Variants in ZFP14 observed in about 807,000 individuals in gnomAD.
ZFP14 encodes the protein zinc finger protein 14 homolog.
Under a neutral mutation model 54.5 loss-of-function variants are expected in ZFP14, and 22 were observed. The ratio of observed to expected loss-of-function variants is 0.40; its 90% CI spans 0.29 to 0.58. ZFP14 has a LOEUF of 0.58. Among genes scored for constraint, ZFP14 ranks in the 20% least tolerant of loss-of-function variants. The pLI is 0.39. For missense variants in ZFP14, 470 were observed against 637.8 expected, an observed-to-expected ratio of 0.74 and a Z score of 2.83; for synonymous variants, 159 against 204.0, an observed-to-expected ratio of 0.78 and a Z score of 1.88.
chr19:36,338,261 G>A lies in ZFP14; in HGVS notation c.*1963C>T, dbSNP rs988019639. 9.9e-5 allele frequency: 15 copies of A among 152,128 alleles called. No homozygotes were observed. The highest frequency in any genetic ancestry group is 3.6e-4 in the African/African-American group (15 of 41,426). 9.4% of individuals were successfully genotyped at this position (152,128 alleles called of 1,614,324 possible). On this transcript the variant is annotated 3_prime_UTR_variant, in exon 5 of 5. Transcript: ENST00000270001. ...CCACCTTGTCCTCCCAAAGTGCTGG[G>A]ATTACAGGTGTGACCCCTGTGCCAG...
Position 36,335,139 on chromosome 19 carries a change from G to T in ZFP14, c.*5085C>A, listed in dbSNP as rs2031168552. Reference sequence around the variant, plus strand: ...TCTGCTCGCCTTGGCCTCCCAAAATGTTGGGATTACAGGCGTGAGCCACCG... The same window carrying T: ...TCTGCTCGCCTTGGCCTCCCAAAATTTTGGGATTACAGGCGTGAGCCACCG... On this transcript the variant is annotated 3_prime_UTR_variant, in exon 5 of 5. Coordinates refer to ENST00000270001, the MANE Select transcript of ZFP14 (RefSeq NM_020917.3). 1 of 152,230 alleles carries T rather than the reference G, an allele frequency of 6.6e-6. No homozygotes were observed. The highest frequency in any genetic ancestry group is 2.4e-5 in the African/African-American group (1 of 41,464). 9.4% of individuals were successfully genotyped at this position (152,230 alleles called of 1,614,324 possible).
At position 36,355,622 on chromosome 19, in the gene ZFP14, G is replaced by A. The variant is rs139467846; in HGVS notation, c.235+4813C>T. On this transcript the variant is annotated intron_variant, in intron 4 of 4. Coordinates refer to ENST00000270001, the MANE Select transcript of ZFP14 (RefSeq NM_020917.3). ...TGCTTGGGCCCAGGAGTTCAAGACT[G>A]CAGTGAGCTGTGATGGCACCATTGC... 4.8e-3 allele frequency among the ~76,000 whole-genome samples: 672 copies of A among 139,790 alleles called. 124 individuals are homozygous for A. Among genetic ancestry groups the A allele is most frequent in the Admixed American group, 0.047 (631 of 13,392 alleles). 91.7% of individuals were successfully genotyped at this position (139,790 alleles called of 152,430 possible).
chr19:36,359,891 G>A (rs1281633608), intron 4 of ZFP14, among the ~76,000 whole-genome samples: 2 of 152,152 alleles, frequency 1.3e-5, no homozygotes, highest in East Asian at 1.9e-4. Context: ...CTGACCTCAA[G>A]TGACCAGCCT....
intron 4 of ZFP14, 98 bp downstream of exon 4, chr19:36,360,337 A>C: frequency 1.9e-6 from 2 of 1,052,478 alleles, no homozygotes; most frequent in Non-Finnish European, 2.7e-6. Context: ...GGCTTTTTGA[A>C]GAGAGACCCC....
chr19:36,350,137 C>CA lies in ZFP14; in HGVS notation c.236-8548dup, dbSNP rs74174404. On this transcript the variant is annotated intron_variant, in intron 4 of 4. Coordinates refer to ENST00000270001, the MANE Select transcript of ZFP14 (RefSeq NM_020917.3). ...CTCTGTCTCAAAAAAACAAAACAAA[C>CA]AAAAAAAAAAAACAGAAAAGAACAT... Among the ~76,000 whole-genome samples, 772 of 126,564 alleles carry CA rather than the reference C, an allele frequency of 6.1e-3. 80 individuals are homozygous for CA. Among genetic ancestry groups the CA allele is most frequent in the African/African-American group, 0.017 (581 of 33,310 alleles). 83.0% of individuals were successfully genotyped at this position (126,564 alleles called of 152,430 possible).
chr19:36,377,513 T>C (rs1477129401), intron 1 of ZFP14, among the ~76,000 whole-genome samples: 2 of 146,940 alleles, frequency 1.4e-5, no homozygotes, highest in African/African-American at 5.1e-5. Context: ...TTCACTGCAC[T>C]CCAGCCTGAG....
chr19:36,343,956 G>A (rs2031368531), intron 4 of ZFP14, among the ~76,000 whole-genome samples: 1 of 151,488 alleles, frequency 6.6e-6, no homozygotes, highest in African/African-American at 2.4e-5. Context: ...TTCAACATGA[G>A]TTTTGGAGGA....
intron 2 of ZFP14, among the ~76,000 whole-genome samples, chr19:36,362,604 TG>T (rs1482246466): frequency 2.0e-5 from 3 of 152,160 alleles, no homozygotes; most frequent in African/African-American, 7.2e-5. Flanking sequence ...CCAGGTGCAG[TG>T]GCTCATGGCT....
chr19:36,343,723 G>A (rs189439173), intron 4 of ZFP14, among the ~76,000 whole-genome samples: 2 of 152,284 alleles, frequency 1.3e-5, no homozygotes, highest in Admixed American at 6.5e-5. Flanking sequence ...TTGAGGGACT[G>A]CATCTGGTGA....
intron 2 of ZFP14, 91 bp downstream of exon 2, chr19:36,367,792 GT>G (rs2031817881): frequency 1.4e-6 from 2 of 1,458,278 alleles, no homozygotes; most frequent in Admixed American, 3.8e-5. Context: ...TGAAGCTCTG[GT>G]AAGCAGGAAG....
intron 4 of ZFP14, among the ~76,000 whole-genome samples, chr19:36,349,257 CAAAAAAA>C (rs1171155676): frequency 4.7e-5 from 2 of 42,240 alleles, no homozygotes; most frequent in South Asian, 8.9e-4. Flanking sequence ...AAAAAAAAAA[CAAAAAAA>C]AAAAAACAGG....
chr19:36,367,751 A>G (rs535357837), intron 2 of ZFP14, 133 bp downstream of exon 2: 80 of 1,064,004 alleles, frequency 7.5e-5, no homozygotes, highest in Non-Finnish European at 9.6e-5. Flanking sequence ...GGCGTGAGCC[A>G]TTGCGTCCAG....
At position 36,379,168 on chromosome 19, in the gene ZFP14, G is replaced by C. The variant is rs899261502; in HGVS notation, c.-85C>G. ...GGTGCAAGCGACCAACTCACCTCTC[G>C]GAGCCGACACCAGCAGCGAAGCCGG... is the stretch of plus-strand genomic sequence containing the variant. On this transcript the variant is annotated 5_prime_UTR_variant, in exon 1 of 5. Transcript: ENST00000270001. 6.6e-6 allele frequency: 1 copy of C among 152,594 alleles called. No homozygotes were observed. The highest frequency in any genetic ancestry group is 1.5e-5 in the Non-Finnish European group (1 of 68,448). 9.5% of individuals were successfully genotyped at this position (152,594 alleles called of 1,614,324 possible). A position where few individuals can be genotyped will look rare whatever the true frequency, so the allele number is the denominator to read the frequency against.
In ZFP14 at chr19:36,339,349, T is replaced by G. The variant is rs1176796378; in HGVS notation, c.*875A>C. On this transcript the variant is annotated 3_prime_UTR_variant, in exon 5 of 5. Coordinates refer to ENST00000270001, the MANE Select transcript of ZFP14 (RefSeq NM_020917.3). ...AATCCTATTCCACAGTGTGGCAGGC[T>G]GACTCTAAACAGGCCCCCCAGTGGT... The G allele has an allele frequency of 6.6e-6, 1 of 152,210 alleles. No individual in the cohort carries two copies. Among genetic ancestry groups the G allele is most frequent in the East Asian group, 1.9e-4 (1 of 5,200 alleles). 9.4% of individuals were successfully genotyped at this position (152,210 alleles called of 1,614,324 possible).
chr19:36,340,329 C>G lies in ZFP14; in HGVS notation c.1497G>C (p.Gln499His), dbSNP rs997952287. ...FRLYSFLTQH[Q>H]RIHTGEKPYK... ...AGGGCTTCTCACCAGTATGAATTCT[C>G]TGGTGTTGAGTAAGAAATGAATAAA... is the stretch of plus-strand genomic sequence containing the variant. Residue 499 changes from glutamine (Q) to histidine (H), a missense_variant, in exon 5 of 5, where the codon CAG becomes CAC. Gln to His is a conservative substitution (Grantham distance 24). Coordinates refer to ENST00000270001, the MANE Select transcript of ZFP14 (RefSeq NM_020917.3). The surrounding 1 kb of genome is among the most constrained non-coding windows in gnomAD (Gnocchi z 5.4). 6.2e-7 allele frequency: 1 copy of G among 1,613,964 alleles called. No individual in the cohort carries two copies. The highest frequency in any genetic ancestry group is 1.1e-5 in the South Asian group (1 of 91,082).
intron 4 of ZFP14, among the ~76,000 whole-genome samples, chr19:36,354,559 T>C (rs568597960): frequency 1.4e-5 from 2 of 142,150 alleles, no homozygotes; most frequent in South Asian, 2.2e-4. Context: ...AAAGCCTTTG[T>C]ATTTGCTGTT....
chr19:36,366,936 C>T (rs1227989139), intron 2 of ZFP14, among the ~76,000 whole-genome samples: 1 of 152,050 alleles, frequency 6.6e-6, no homozygotes, highest in African/African-American at 2.4e-5. Context: ...GGCAGATCAC[C>T]TGAGATGAGG....
chr19:36,362,218 A>C lies in ZFP14; in HGVS notation c.30T>G (p.Asp10Glu), dbSNP rs1426518257. The change falls in exon 3 of 5, where the codon GAT (aspartate) becomes GAG (glutamate). Residue 10 changes from aspartate (D) to glutamate (E), a missense_variant. Physicochemically the swap from Asp to Glu is conservative, Grantham distance 45 (BLOSUM62 2). Coordinates refer to ENST00000270001, the MANE Select transcript of ZFP14 (RefSeq NM_020917.3). ...CTTCCTGTGAGAAGTCTATGGCCAC[A>C]TCCCTGAATGTCACTGAACCCTGAA... MAHGSVTFR[D>E]VAIDFSQEEW... The C allele has an allele frequency of 6.2e-7, 1 of 1,608,582 alleles. No individual in the cohort carries two copies. The highest frequency in any genetic ancestry group is 8.5e-7 in the Non-Finnish European group (1 of 1,178,208).
chr19:36,364,119 G>GTATC (rs2031755210), intron 2 of ZFP14, among the ~76,000 whole-genome samples: 1 of 152,176 alleles, frequency 6.6e-6, no homozygotes, highest in South Asian at 2.1e-4. Flanking sequence ...ATTGATTGAG[G>GTATC]TATCTATTTG....
Sources: gnomAD v4.1 joint callset for allele counts (sites outside exome capture counted in the v4.1 genomes callset) on GRCh38, gnomAD v4.1.1 for gene constraint, Gnocchi (gnomAD v3.1) non-coding constraint, MANE v1.5 for transcripts, NCBI Gene and HGNC (gene_info 2026-07-23, HGNC 2026-07-21) for gene names.